RBL2: variants seen among roughly 807,000 people sequenced by gnomAD.
RBL2 encodes the protein RB transcriptional corepressor like 2.
A neutral mutation model predicts 126.0 loss-of-function variants in RBL2; 56 were observed. The observed-to-expected ratio is 0.44, with a 90% confidence interval of 0.36 to 0.56. The LOEUF (loss-of-function observed/expected upper bound fraction) is 0.56. Among genes scored for constraint, RBL2 ranks in the 20% least tolerant of loss-of-function variants. RBL2 has a pLI of 0.00. For synonymous variants in RBL2, 454 were observed against 478.5 expected, an observed-to-expected ratio of 0.95 and a Z score of 0.67; for missense variants, 1,229 against 1,398.2, an observed-to-expected ratio of 0.88 and a Z score of 1.93.
intron 17 of RBL2, among the ~76,000 whole-genome samples, chr16:53,471,474 T>C (rs1466316073): frequency 2.0e-5 from 3 of 152,122 alleles, no homozygotes; most frequent in East Asian, 3.9e-4. Flanking sequence ...ATTGGGTTTT[T>C]CTTTTTTTTT....
rs763810540 is a variant in RBL2, at chr16:53,459,616, A to C, written c.1345A>C (p.Arg449=). The C allele has an allele frequency of 1.3e-6, 2 of 1,545,636 alleles. No individual in the cohort carries two copies. The highest frequency in any genetic ancestry group is 4.6e-5 in the East Asian group (2 of 43,598). ...APSEKLEQIL[R]TCSRDPTQAI... ...AAGTGAGAAACTGGAACAGATTCTC[A>C]GGTTAGTTTGAGCCCTGTCTGCTTT... The change falls in exon 9 of 22, where the codon AGG becomes CGG. Residue 449 remains arginine (R), a splice_region_variant and synonymous_variant. Coordinates refer to ENST00000262133, the MANE Select transcript of RBL2 (RefSeq NM_005611.4).
At chr16:53,440,620 C>A (rs928226433) in intron 2 of RBL2, among the ~76,000 whole-genome samples, 1 of 152,154 alleles carries the variant, frequency 6.6e-6, no homozygotes, top group Non-Finnish European at 1.5e-5. Context: ...GGGGCGTGAT[C>A]TCAGCTCATT....
rs2150810758 is a variant in RBL2, at chr16:53,467,236, C to T, written c.1975+67C>T. On this transcript the variant is annotated intron_variant, in intron 14 of 21. Transcript: ENST00000262133. ...CTGGAAATTTAAATTTCATCTAACC[C>T]TACAAGTGAAGTTAATAGGGTATAC... 24 of 1,318,754 alleles carry T rather than the reference C, an allele frequency of 1.8e-5. No individual in the cohort carries two copies. The South Asian group carries it at 2.8e-4, about 15-fold the overall frequency. The allele number at this position is 1,318,754 out of a possible 1,614,324, so 81.7% of individuals were successfully genotyped here.
chr16:53,454,676 A>T lies in RBL2; in HGVS notation c.1013A>T (p.Tyr338Phe). 6.2e-7 allele frequency: 1 copy of T among 1,613,572 alleles called. No individual in the cohort carries two copies. Among genetic ancestry groups the T allele is most frequent in the African/African-American group, 1.3e-5 (1 of 75,054 alleles). ...GESFKAINKA[Y>F]EEYVLSVGNL... Reference sequence around the variant, plus strand: ...TATAGTAAAGCCATCAATAAGGCCTATGAGGAGTATGTTTTATCTGTTGGG... The same window carrying T: ...TATAGTAAAGCCATCAATAAGGCCTTTGAGGAGTATGTTTTATCTGTTGGG... Residue 338 changes from tyrosine (Y) to phenylalanine (F), a missense_variant, in exon 8 of 22, where the codon TAT (tyrosine) becomes TTT (phenylalanine). Transcript: ENST00000262133.
intron 3 of RBL2, 55 bp downstream of exon 3, chr16:53,442,913 GA>G: frequency 4.0e-6 from 5 of 1,237,088 alleles, no homozygotes; most frequent in Non-Finnish European, 5.5e-6. Flanking sequence ...CTGCAGTGTT[GA>G]TATTCTGCTA....
rs767827710 is a variant in RBL2 at position 53,442,848 on chromosome 16, A to G, written c.562A>G (p.Arg188Gly). Residue 188 changes from arginine to glycine, a missense_variant, in exon 3 of 22, where the codon AGG becomes GGG. By Grantham distance (125) the Arg-to-Gly change is moderately radical. Coordinates refer to ENST00000262133, the MANE Select transcript of RBL2 (RefSeq NM_005611.4). ...QEEQPRQQRGRKQRRQPCTVS... is the reference protein window; with the variant it reads ...QEEQPRQQRGGKQRRQPCTVS... ...GGAGCAACCTCGTCAGCAGCGAGGA[A>G]GGAAACAGCGGTAGGTTTTCTTGTT... The G allele has an allele frequency of 1.4e-5, 22 of 1,610,914 alleles. No homozygotes were observed. The South Asian group carries it at 2.2e-4, about 16-fold the overall frequency.
Position 53,442,750 on chromosome 16 carries a change from A to G in RBL2, c.464A>G (p.Asn155Ser). The change falls in exon 3 of 22, where the codon AAC becomes AGC. Residue 155 changes from asparagine (N) to serine (S), a missense_variant. By Grantham distance (46) the Asn-to-Ser change is conservative. Coordinates refer to ENST00000262133, the MANE Select transcript of RBL2 (RefSeq NM_005611.4). ...FRERTERLER[N>S]FTVSAVIFKK... ...GAACGTACTGAGAGATTAGAAAGAA[A>G]CTTCACTGTTTCTGCTGTAATTTTT... 6.2e-7 allele frequency: 1 copy of G among 1,613,420 alleles called. No homozygotes were observed.
intron 13 of RBL2, chr16:53,466,772 G>T (rs1275286233): frequency 3.9e-6 from 1 of 257,424 alleles, no homozygotes; most frequent in Non-Finnish European, 7.5e-6. Flanking sequence ...TTCCTAACAG[G>T]GTCCATGGCC....
intron 21 of RBL2, chr16:53,488,632 TA>T (rs1177300098): frequency 6.6e-6 from 1 of 152,202 alleles, no homozygotes; most frequent in Non-Finnish European, 1.5e-5. Flanking sequence ...TATAACGTAC[TA>T]ACATTTAGAC....
intron 12 of RBL2, 58 bp downstream of exon 12, chr16:53,464,421 G>C: frequency 7.3e-7 from 1 of 1,379,300 alleles, no homozygotes; most frequent in Non-Finnish European, 9.9e-7. Context: ...ACTTCCTGTT[G>C]TTAGTCATTT....
chr16:53,460,317 G>A lies in RBL2; in HGVS notation c.1346+700G>A, dbSNP rs539476874. On this transcript the variant is annotated intron_variant, in intron 9 of 21. Transcript: ENST00000262133. ...AGGACCCCATTTTATTTCTGATGAT[G>A]GTATATCAAGAAGACCCTATATGTA... Among the ~76,000 whole-genome samples, 56 of 152,252 alleles carry A rather than the reference G, an allele frequency of 3.7e-4. 1 individual carries two copies. In the East Asian group the frequency reaches 5.2e-3, roughly 14 times the overall value.
chr16:53,480,709 C>T lies in RBL2; in HGVS notation c.3024C>T (p.Phe1008=), dbSNP rs376099593. 5 of 1,613,596 alleles carry T rather than the reference C, an allele frequency of 3.1e-6. No homozygotes were observed. The highest frequency in any genetic ancestry group is 3.4e-6 in the Non-Finnish European group (4 of 1,180,004). ...AGGAGAGGGGAGACCTCATTCAGTT[C>T]TACAACAACATCTACATCAAACAGA... is the stretch of plus-strand genomic sequence containing the variant. ...EEEERGDLIQ[F]YNNIYIKQIK... is the part of the protein sequence containing the mutation. The change falls in exon 20 of 22, where the codon TTC becomes TTT. Residue 1008 remains phenylalanine (F), a synonymous_variant. Coordinates refer to ENST00000262133, the MANE Select transcript of RBL2 (RefSeq NM_005611.4).
rs531261663 is a variant in RBL2, at chr16:53,476,922, A to G, written c.2704-2232A>G. 1.2e-4 allele frequency among the ~76,000 whole-genome samples: 18 copies of G among 152,288 alleles called. No homozygotes were observed. The South Asian group carries it at 3.3e-3, about 28-fold the overall frequency. On this transcript the variant is annotated intron_variant, in intron 17 of 21. Transcript: ENST00000262133. ...TTTGGATTTCTTTTGCCTTTTGACT[A>G]TGTATATAATTGGATTTACATCTGC...
chr16:53,456,034 G>T (rs1015744509), intron 8 of RBL2, among the ~76,000 whole-genome samples: 6 of 152,064 alleles, frequency 3.9e-5, no homozygotes, highest in African/African-American at 1.5e-4. Context: ...AAATAAGCTG[G>T]CCATGGTTGT....
At chr16:53,456,764 C>T (rs9929873) in intron 8 of RBL2, among the ~76,000 whole-genome samples, 73,810 of 152,032 alleles carry the variant, frequency 0.49, 18,762 homozygotes, top group Middle Eastern at 0.62. Flanking sequence ...CTTCAAGAGA[C>T]TCATGTGGCT....
At chr16:53,457,036 G>A (rs760343140) in intron 8 of RBL2, among the ~76,000 whole-genome samples, 18 of 152,170 alleles carry the variant, frequency 1.2e-4, no homozygotes, top group Non-Finnish European at 2.5e-4. Flanking sequence ...GACATTCGGG[G>A]AACATTTACT....
chr16:53,451,540 A>G (rs998377280), intron 4 of RBL2, among the ~76,000 whole-genome samples, 163 bp from the exon 5 acceptor site: 2 of 152,220 alleles, frequency 1.3e-5, no homozygotes, highest in African/African-American at 4.8e-5. Context: ...TTATTAAGAT[A>G]TAAGAGTAAT....
At chr16:53,466,646 C>G (rs1254574328) in intron 13 of RBL2, 2 of 176,538 alleles carry the variant, frequency 1.1e-5, no homozygotes, top group Non-Finnish European at 2.4e-5. Flanking sequence ...CACCACTAAT[C>G]TGACAGGAGG....
chr16:53,462,905 A>T (rs1304680319), intron 11 of RBL2, among the ~76,000 whole-genome samples: 1 of 152,168 alleles, frequency 6.6e-6, no homozygotes, highest in Non-Finnish European at 1.5e-5. Context: ...TAGTGGCACG[A>T]TCTCGGCTCA....
Sources: allele counts gnomAD v4.1 joint callset (sites outside exome capture counted in the v4.1 genomes callset), GRCh38; gene constraint gnomAD v4.1.1; transcripts MANE v1.5; gene names NCBI Gene and HGNC (gene_info 2026-07-23, HGNC 2026-07-21).